SRI: variants seen among roughly 807,000 people sequenced by gnomAD.
The protein encoded by SRI is sorcin.
SRI carries 30 observed loss-of-function variants against 33.3 expected under a neutral mutation model. The observed-to-expected ratio is 0.90, with a 90% CI of 0.67 to 1.22. The LOEUF (loss-of-function observed/expected upper bound fraction) is 1.22. Ranked by LOEUF, SRI falls within the 50% of genes most tolerant of loss-of-function variation. The pLI, the probability that SRI is intolerant of heterozygous loss-of-function variation, is 0.00. For missense variants in SRI, 243 were observed against 250.8 expected (o/e 0.97, Z 0.21); for synonymous variants, 75 against 89.9 (o/e 0.83, Z 0.94).
At chr7:88,216,940 G>A (rs1851735308) in intron 3 of SRI, among the ~76,000 whole-genome samples, 182 bp downstream of exon 3, 1 of 152,078 alleles carries the variant, frequency 6.6e-6, no homozygotes, top group Non-Finnish European at 1.5e-5. Context: ...TGCCCAGCCT[G>A]GAGTGATTTA....
In SRI at chr7:88,218,977, C is replaced by T. The variant is rs761409156; in HGVS notation, c.52-35G>A. On this transcript the variant is annotated intron_variant, in intron 1 of 7. Transcript: ENST00000265729. ...AGGAAACACATACACGTCATTCTGC[C>T]GAATCAAGTTTTCTTCTTTCACCAC... is the stretch of plus-strand genomic sequence containing the variant. The T allele has an allele frequency of 5.0e-6, 8 of 1,592,856 alleles. No individual in the cohort carries two copies. The East Asian group carries it at 1.8e-4, about 36-fold the overall frequency.
chr7:88,221,627 T>C (rs867781642), upstream of SRI, among the ~76,000 whole-genome samples: 6 of 152,352 alleles, frequency 3.9e-5, no homozygotes, highest in South Asian at 1.0e-3. Context: ...TAAACGGCTA[T>C]ACGAATTGGC....
At chr7:88,219,942 G>A (rs1443916264) in intron 1 of SRI, 34 bp downstream of exon 1, 4 of 1,537,268 alleles carry the variant, frequency 2.6e-6, no homozygotes, top group Non-Finnish European at 3.5e-6. Context: ...CCCCGGAGCC[G>A]CCTGGGCCGC....
upstream of SRI, among the ~76,000 whole-genome samples, chr7:88,221,987 T>C (rs1486528918): frequency 1.4e-5 from 2 of 147,840 alleles, no homozygotes; most frequent in Non-Finnish European, 3.0e-5. Context: ...TGATTTCCAA[T>C]TTCATCCATG....
chr7:88,208,389 A>G (rs561819900), intron 7 of SRI, 118 bp downstream of exon 7: 39 of 1,457,196 alleles, frequency 2.7e-5, no homozygotes, highest in Non-Finnish European at 3.4e-5. Flanking sequence ...TAACTTTTGA[A>G]TCCCTTATGT....
chr7:88,212,446 T>C (rs928713317), intron 3 of SRI, among the ~76,000 whole-genome samples: 1 of 152,218 alleles, frequency 6.6e-6, no homozygotes, highest in African/African-American at 2.4e-5. Context: ...CACTTGTGCT[T>C]ATCTGAATCA....
At chr7:88,226,910 T>G in exon 1 of SRI, 1 of 1,613,656 alleles carries the variant, frequency 6.2e-7, no homozygotes, top group Non-Finnish European at 8.5e-7. Context: ...TTTACTTGCC[T>G]GCATCTTGAG....
intron 1 of SRI, chr7:88,219,572 GTTTT>G: frequency 5.8e-6 from 1 of 172,010 alleles, no homozygotes; most frequent in Non-Finnish European, 1.1e-5. Context: ...TTGTTTGTTT[GTTTT>G]TTAAAGGGAG....
At chr7:88,211,378 C>T (rs1851575245) in intron 3 of SRI, among the ~76,000 whole-genome samples, 1 of 152,030 alleles carries the variant, frequency 6.6e-6, no homozygotes, top group South Asian at 2.1e-4. Context: ...TTGCTTGCAC[C>T]TGGGAGGAGG....
rs559575088 is a variant in SRI at position 88,209,016 on chromosome 7, T to C, written c.511+323A>G. The stretch of plus-strand genomic sequence containing the variant: ...CTATAGAAAAGGATTTTATTTTAAT[T>C]TCACTCTTTCCAAATATTTCACATT... On this transcript the variant is annotated intron_variant, in intron 6 of 7. Transcript: ENST00000265729. 3.5e-4 allele frequency: 93 copies of C among 263,378 alleles called. 2 individuals carry two copies. The South Asian group carries it at 4.9e-3, about 14-fold the overall frequency. 16.3% of individuals were successfully genotyped at this position (263,378 alleles called of 1,614,324 possible).
intron 1 of SRI, 58 bp from the exon 2 acceptor site, chr7:88,219,000 C>T (rs1563477005): frequency 4.0e-6 from 6 of 1,508,926 alleles, no homozygotes; most frequent in Non-Finnish European, 5.5e-6. Flanking sequence ...CTTCTTTCAC[C>T]ACTGAGGGCT....
upstream of SRI, chr7:88,220,076 G>T: frequency 6.8e-7 from 1 of 1,476,032 alleles, no homozygotes. Context: ...AGGCCTCTCC[G>T]CCCCCTGCCC....
upstream of SRI, among the ~76,000 whole-genome samples, chr7:88,221,703 T>A (rs1851891463): frequency 6.6e-6 from 1 of 152,196 alleles, no homozygotes; most frequent in Non-Finnish European, 1.5e-5. Flanking sequence ...TTTTTTTAAT[T>A]ACACTTTAAG....
At chr7:88,220,052 T>A (rs921432106), upstream of SRI, 1 of 1,516,666 alleles carries the variant, frequency 6.6e-7, no homozygotes. Context: ...GCAGCCGCCC[T>A]CGCCCTGTGC....
intron 3 of SRI, among the ~76,000 whole-genome samples, chr7:88,212,927 C>A (rs945586182): frequency 6.6e-6 from 1 of 152,156 alleles, no homozygotes; most frequent in Admixed American, 6.5e-5. Flanking sequence ...ACAACCACAG[C>A]GCAGAGCCAA....
chr7:88,222,123 A>G (rs1324371243), upstream of SRI, among the ~76,000 whole-genome samples: 3 of 137,690 alleles, frequency 2.2e-5, no homozygotes, highest in Non-Finnish European at 3.1e-5. Context: ...AGTCTTTGCT[A>G]TTGTGAATAA....
chr7:88,219,893 C>A lies in SRI; in HGVS notation c.51+83G>T, dbSNP rs920114023. The A allele has an allele frequency of 2.7e-6, 4 of 1,494,092 alleles. No homozygotes were observed. In the African/African-American group the frequency reaches 4.3e-5, roughly 16 times the overall value. 92.6% of individuals were successfully genotyped at this position (1,494,092 alleles called of 1,614,324 possible). ...CGGGTAGCCGCCCAGCAGCGCCTCACCCCGCTGGCCGCAGCATCTCCAAGG... is the reference window on the plus strand; with the variant it reads ...CGGGTAGCCGCCCAGCAGCGCCTCAACCCGCTGGCCGCAGCATCTCCAAGG... On this transcript the variant is annotated intron_variant, in intron 1 of 7. Transcript: ENST00000265729.
upstream of SRI, among the ~76,000 whole-genome samples, chr7:88,223,426 T>C (rs1478853251): frequency 6.6e-6 from 1 of 152,044 alleles, no homozygotes; most frequent in African/African-American, 2.4e-5. Flanking sequence ...CAGGGGCAGG[T>C]AAAGGGCCAG....
upstream of SRI, among the ~76,000 whole-genome samples, chr7:88,223,191 T>C (rs1851928077): frequency 6.6e-6 from 1 of 152,262 alleles, no homozygotes; most frequent in South Asian, 2.1e-4. Flanking sequence ...TACTTTAGTT[T>C]GCTGGAAAAA....
Sources: gnomAD v4.1 joint callset for allele counts (sites outside exome capture counted in the v4.1 genomes callset) on GRCh38, gnomAD v4.1.1 for gene constraint, MANE v1.5 for transcripts, NCBI Gene and HGNC (gene_info 2026-07-23, HGNC 2026-07-21) for gene names.